Variants in QSOX2 observed in about 807,000 individuals in gnomAD.
QSOX2 encodes the protein quiescin sulfhydryl oxidase 2.
A neutral mutation model predicts 61.7 loss-of-function variants in QSOX2; 46 were observed. That is an observed-to-expected ratio of 0.75 (90% CI 0.59 to 0.95). The LOEUF (loss-of-function observed/expected upper bound fraction) is 0.95, where lower values mean the gene tolerates loss of function less well. Among genes scored for constraint, QSOX2 ranks in the 40% least tolerant of loss-of-function variants. QSOX2 has a pLI of 0.00. For synonymous variants in QSOX2, 383 were observed against 388.4 expected, an observed-to-expected ratio of 0.99 and a Z score of 0.16; for missense variants, 879 against 918.9, an observed-to-expected ratio of 0.96 and a Z score of 0.56.
At position 136,221,694 on chromosome 9, in the gene QSOX2, A is replaced by T. The variant is rs534237120; in HGVS notation, c.821+102T>A. 1.2e-5 allele frequency: 15 copies of T among 1,302,222 alleles called. No individual in the cohort carries two copies. The highest frequency in any genetic ancestry group is 1.5e-5 in the African/African-American group (1 of 66,462). 80.7% of individuals were successfully genotyped at this position (1,302,222 alleles called of 1,614,324 possible). A position where few individuals can be genotyped will look rare whatever the true frequency, so the allele number is the denominator to read the frequency against. ...CCCAGGGAAGCGAGGCGGAGGGGCCAGGGCTCCCCCGATCTCACACCAGAC... is the reference window on the plus strand; with the variant it reads ...CCCAGGGAAGCGAGGCGGAGGGGCCTGGGCTCCCCCGATCTCACACCAGAC... On this transcript the variant is annotated intron_variant, in intron 6 of 11. Transcript: ENST00000358701. This position sits in a 1 kb window ranked among gnomAD's most constrained non-coding sequence, Gnocchi z 4.5.
chr9:136,224,546 G>C (rs1220210734), intron 3 of QSOX2, among the ~76,000 whole-genome samples: 2 of 152,232 alleles, frequency 1.3e-5, no homozygotes, highest in Non-Finnish European at 2.9e-5. Flanking sequence ...GCGATGCTCG[G>C]CTGGGTGGGA....
chr9:136,216,948 C>A (rs1377989943), intron 8 of QSOX2, among the ~76,000 whole-genome samples: 1 of 152,252 alleles, frequency 6.6e-6, no homozygotes, highest in African/African-American at 2.4e-5. Flanking sequence ...GTGCCCACGG[C>A]CATGCCTTTC....
intron 1 of QSOX2, among the ~76,000 whole-genome samples, chr9:136,232,097 GA>G (rs1428380870): frequency 6.6e-6 from 1 of 152,130 alleles, no homozygotes; most frequent in Non-Finnish European, 1.5e-5. Context: ...GCTTGAAGGG[GA>G]AGGACACATA....
chr9:136,244,470 G>T (rs1305048945), intron 1 of QSOX2, among the ~76,000 whole-genome samples: 3 of 152,212 alleles, frequency 2.0e-5, no homozygotes, highest in Non-Finnish European at 4.4e-5. Flanking sequence ...AAATACAGCA[G>T]GATTGGGTGT....
chr9:136,216,639 G>A lies in QSOX2; in HGVS notation c.1170C>T (p.Pro390=), dbSNP rs35806182. The change falls in exon 9 of 12, where the codon CCC becomes CCT. Residue 390 remains proline, a synonymous_variant. Transcript: ENST00000358701. The part of the protein sequence containing the change: ...WLASLPLDRI[P]YNAVLDLVNN... ...TGACCAGGTCAAGCACGGCGTTGTA[G>A]GGGATCCTGTCCAGGGGAAGGCTGG... 461 of 1,613,990 alleles carry A rather than the reference G, an allele frequency of 2.9e-4. 2 individuals carry two copies. In the African/African-American group the frequency reaches 5.8e-3, roughly 20 times the overall value.
At chr9:136,216,540 A>G in intron 9 of QSOX2, 60 bp downstream of exon 9, 1 of 1,597,186 alleles carries the variant, frequency 6.3e-7, no homozygotes, top group Non-Finnish European at 8.6e-7. Context: ...AGCTAAGGGC[A>G]AGGGAAGGAA....
chr9:136,209,540 G>C lies in QSOX2; in HGVS notation c.1550-265C>G. 2 of 985,332 alleles carry C rather than the reference G, an allele frequency of 2.0e-6. No homozygotes were observed. The highest frequency in any genetic ancestry group is 1.1e-4 in the East Asian group (1 of 8,754). The allele number at this position is 985,332 out of a possible 1,614,324, so 61.0% of individuals were successfully genotyped here. A position where few individuals can be genotyped will look rare whatever the true frequency, so the allele number is the denominator to read the frequency against. ...GCAAGTGAGGAGACGCTACACGCTCGGCCTCCGCCACTTCCCAGACCACAC... is the reference window on the plus strand; with the variant it reads ...GCAAGTGAGGAGACGCTACACGCTCCGCCTCCGCCACTTCCCAGACCACAC... On this transcript the variant is annotated intron_variant, in intron 11 of 11. Transcript: ENST00000358701. The surrounding 1 kb of genome is among the most constrained non-coding windows in gnomAD (Gnocchi z 5.6).
intron 6 of QSOX2, among the ~76,000 whole-genome samples, chr9:136,219,886 G>A (rs968607762): frequency 1.9e-4 from 29 of 152,218 alleles, no homozygotes; most frequent in African/African-American, 5.1e-4. Context: ...GGTTCAGGCC[G>A]CTCTGCCAAG....
intron 1 of QSOX2, among the ~76,000 whole-genome samples, chr9:136,233,565 G>T (rs906010081): frequency 3.9e-5 from 6 of 152,226 alleles, no homozygotes; most frequent in African/African-American, 1.4e-4. Flanking sequence ...AGGCTGTCGA[G>T]CCCACACAAA....
rs1001901375 is a variant in QSOX2 at position 136,223,652 on chromosome 9, C to G, written c.675+111G>C. The G allele has an allele frequency of 4.0e-6, 3 of 756,362 alleles. No individual in the cohort carries two copies. The highest frequency in any genetic ancestry group is 6.6e-6 in the Non-Finnish European group (3 of 456,682). The allele number at this position is 756,362 out of a possible 1,614,324, so 46.9% of individuals were successfully genotyped here. A position where few individuals can be genotyped will look rare whatever the true frequency, so the allele number is the denominator to read the frequency against. ...AATGAACAAGACCTAAAGCCACAGA[C>G]AGGACACGAGATGCCGACACAGTGA... On this transcript the variant is annotated intron_variant, in intron 5 of 11. Transcript: ENST00000358701. The surrounding 1 kb of genome is among the most constrained non-coding windows in gnomAD (Gnocchi z 4.4).
At position 136,209,979 on chromosome 9, in the gene QSOX2, G is replaced by T; in HGVS notation, c.1550-704C>A. ...CTGCGACCCGACTTGCTGACACCTGGCCACCCTCACAGAGCTTCCAGAAGT... is the reference window on the plus strand; with the variant it reads ...CTGCGACCCGACTTGCTGACACCTGTCCACCCTCACAGAGCTTCCAGAAGT... On this transcript the variant is annotated intron_variant, in intron 11 of 11. Transcript: ENST00000358701. The surrounding 1 kb of genome is among the most constrained non-coding windows in gnomAD (Gnocchi z 5.6). The T allele has an allele frequency of 2.0e-6, 2 of 985,390 alleles. No homozygotes were observed. Among genetic ancestry groups the T allele is most frequent in the Non-Finnish European group, 2.4e-6 (2 of 829,916 alleles). The allele number at this position is 985,390 out of a possible 1,614,324, so 61.0% of individuals were successfully genotyped here. A position where few individuals can be genotyped will look rare whatever the true frequency, so the allele number is the denominator to read the frequency against.
chr9:136,231,585 TAGG>T (rs1830330347), intron 1 of QSOX2, among the ~76,000 whole-genome samples: 1 of 152,124 alleles, frequency 6.6e-6, no homozygotes. Flanking sequence ...TCCCCACACA[TAGG>T]AGGCCCCTGG....
chr9:136,224,440 C>CA (rs1564293497), intron 3 of QSOX2, among the ~76,000 whole-genome samples: 1 of 152,018 alleles, frequency 6.6e-6, no homozygotes, highest in Non-Finnish European at 1.5e-5. Flanking sequence ...CAGAGCCCCC[C>CA]CAGGGCGCGG....
chr9:136,220,948 T>G (rs938037250), intron 6 of QSOX2, among the ~76,000 whole-genome samples: 2 of 152,234 alleles, frequency 1.3e-5, no homozygotes, highest in Admixed American at 6.5e-5. Context: ...ACTCAAATGA[T>G]TCACCTGTGC....
At chr9:136,220,458 C>T (rs1416761615) in intron 6 of QSOX2, among the ~76,000 whole-genome samples, 1 of 152,264 alleles carries the variant, frequency 6.6e-6, no homozygotes, top group African/African-American at 2.4e-5. Context: ...CCTATCTTCT[C>T]ACTGCTGTGT....
chr9:136,219,196 AGC>A (rs1564291569), intron 6 of QSOX2, 32 bp from the exon 7 acceptor site: 1 of 1,598,874 alleles, frequency 6.3e-7, no homozygotes, highest in Non-Finnish European at 8.5e-7. Context: ...AGGTGAGAAG[AGC>A]CTCCTTTATA....
chr9:136,240,581 A>C (rs1333438522), intron 1 of QSOX2, among the ~76,000 whole-genome samples: 1 of 152,198 alleles, frequency 6.6e-6, no homozygotes, highest in Non-Finnish European at 1.5e-5. Flanking sequence ...TTGGCTGAGC[A>C]AAGGTCTTCT....
At chr9:136,236,925 G>A (rs564383835) in intron 1 of QSOX2, among the ~76,000 whole-genome samples, 10 of 147,844 alleles carry the variant, frequency 6.8e-5, no homozygotes, top group African/African-American at 2.5e-4. Flanking sequence ...CACACCTGGA[G>A]CCCGTCCTGG....
intron 8 of QSOX2, among the ~76,000 whole-genome samples, chr9:136,217,046 T>C (rs1354680275): frequency 6.6e-6 from 1 of 152,242 alleles, no homozygotes; most frequent in African/African-American, 2.4e-5. Flanking sequence ...TGACTCATCA[T>C]GGAGCTGGCG....
Sources: allele counts gnomAD v4.1 joint callset (sites outside exome capture counted in the v4.1 genomes callset), GRCh38; gene constraint gnomAD v4.1.1; non-coding constraint Gnocchi (gnomAD v3.1); transcripts MANE v1.5; gene names NCBI Gene and HGNC (gene_info 2026-07-23, HGNC 2026-07-21).